ZNF680: variants seen among roughly 807,000 people sequenced by gnomAD.
ZNF680 encodes zinc finger protein 680, also known as hypothetical protein FLJ90430.
ZNF680 carries 6 observed loss-of-function variants against 12.1 expected under a neutral mutation model. The observed-to-expected ratio is 0.49, with a 90% CI of 0.27 to 0.98. The LOEUF (loss-of-function observed/expected upper bound fraction) is 0.98, where lower values mean the gene tolerates loss of function less well. ZNF680 is among the 50% of genes least tolerant of loss of function. The pLI, the probability that ZNF680 is intolerant of heterozygous loss-of-function variation, is 0.12. For synonymous variants in ZNF680, 170 were observed against 199.3 expected (o/e 0.85, Z 1.24); for missense variants, 561 against 616.3 (o/e 0.91, Z 0.95).
chr7:64,555,733 A>ATATAT (rs1554334151), intron 1 of ZNF680, among the ~76,000 whole-genome samples: 1 of 87,532 alleles, frequency 1.1e-5, no homozygotes, highest in African/African-American at 6.3e-5. Flanking sequence ...TGTAAAAAAA[A>ATATAT]ATATATATAT....
At chr7:64,516,542 A>G (rs1584339104), downstream of ZNF680, among the ~76,000 whole-genome samples, 1 of 152,338 alleles carries the variant, frequency 6.6e-6, no homozygotes, top group East Asian at 1.9e-4. Flanking sequence ...TACTCCACTG[A>G]CAGTACTAGA....
the ZNF680 span, among the ~76,000 whole-genome samples, chr7:64,503,764 T>C: frequency 1.3e-5 from 2 of 152,196 alleles, no homozygotes; most frequent in Non-Finnish European, 2.9e-5. Flanking sequence ...TCCTCCTTTT[T>C]CTTTAGCCAA....
At chr7:64,540,422 A>G (rs2116474346) in intron 3 of ZNF680, among the ~76,000 whole-genome samples, 1 of 150,650 alleles carries the variant, frequency 6.6e-6, no homozygotes, top group South Asian at 2.1e-4. Flanking sequence ...CCCCTGCCTC[A>G]GCCTCCCAAG....
intron 3 of ZNF680, among the ~76,000 whole-genome samples, chr7:64,538,811 T>G (rs995023074): frequency 1.3e-5 from 2 of 152,158 alleles, no homozygotes; most frequent in Non-Finnish European, 2.9e-5. Flanking sequence ...ATTTGAACAT[T>G]TATGTTTCTT....
In ZNF680 at chr7:64,544,337, C is replaced by T. The variant is rs1348331544; in HGVS notation, c.126G>A (p.Met42Ile). Residue 42 changes from methionine (M) to isoleucine (I), a missense_variant, in exon 2 of 4, where the codon ATG becomes ATA. Coordinates refer to ENST00000309683, the MANE Select transcript of ZNF680 (RefSeq NM_178558.5). ...AGACCAGGTTTCTGTAGTTCTCAAA[C>T]ATCACTTTCCTATATAAATTCCGTT... is the stretch of plus-strand genomic sequence containing the variant. ...TAQRNLYRKV[M>I]FENYRNLVFL... The T allele has an allele frequency of 6.2e-7, 1 of 1,603,932 alleles. No individual in the cohort carries two copies. Among genetic ancestry groups the T allele is most frequent in the Admixed American group, 1.7e-5 (1 of 59,682 alleles).
At chr7:64,531,827 A>G (rs1219617727) in intron 3 of ZNF680, among the ~76,000 whole-genome samples, 1 of 152,176 alleles carries the variant, frequency 6.6e-6, no homozygotes, top group Non-Finnish European at 1.5e-5. Context: ...CTAAATGCCT[A>G]CATCAAAAAG....
rs117098150 is a variant in ZNF680, at chr7:64,550,464, A to G, written c.31-6032T>C. Among the ~76,000 whole-genome samples, 503 of 152,338 alleles carry G rather than the reference A, an allele frequency of 3.3e-3. 16 individuals are homozygous for G. In the East Asian group the frequency reaches 0.088, roughly 27 times the overall value. ...CAAAATCTCAAGATCCCGATTCAGA[A>G]TCTGGAGCTGCAGATTTAGGTCCTG... On this transcript the variant is annotated intron_variant, in intron 1 of 3. Coordinates refer to ENST00000309683, the MANE Select transcript of ZNF680 (RefSeq NM_178558.5).
At chr7:64,554,585 G>C (rs1787301100) in intron 1 of ZNF680, among the ~76,000 whole-genome samples, 1 of 152,218 alleles carries the variant, frequency 6.6e-6, no homozygotes, top group Non-Finnish European at 1.5e-5. Flanking sequence ...AGAGAGATCG[G>C]ATTGTTTCTG....
At chr7:64,516,292 G>A (rs553187467), downstream of ZNF680, among the ~76,000 whole-genome samples, 10 of 152,236 alleles carry the variant, frequency 6.6e-5, no homozygotes, top group Admixed American at 5.2e-4. Context: ...AAATCTTGTT[G>A]CATTGCTAAA....
chr7:64,510,737 C>T, the ZNF680 span, among the ~76,000 whole-genome samples: 3 of 132,126 alleles, frequency 2.3e-5, no homozygotes, highest in East Asian at 2.6e-4. Flanking sequence ...GGTGAAACCC[C>T]GTCTCTACTA....
At chr7:64,535,081 C>T (rs1475221117) in intron 3 of ZNF680, among the ~76,000 whole-genome samples, 3 of 151,918 alleles carry the variant, frequency 2.0e-5, no homozygotes, top group African/African-American at 7.3e-5. Flanking sequence ...GTGATGAGTG[C>T]ACCAAAATCT....
rs1791547760 is a variant in ZNF680 at position 64,521,738 on chromosome 7, TTAG to T, written c.1013_1015del (p.Thr338del). 6.2e-7 allele frequency: 1 copy of T among 1,612,364 alleles called. No individual in the cohort carries two copies. Among genetic ancestry groups the T allele is most frequent in the Non-Finnish European group, 8.5e-7 (1 of 1,179,666 alleles). On this transcript the variant is annotated inframe_deletion, in exon 4 of 4. Transcript: ENST00000309683. The stretch of plus-strand genomic sequence containing the variant: ...CTCTCCAGTATGAATTTTCTTATGT[TTAG>T]TAAGGTTTGAAAACTGGTTAAAGTC...
the ZNF680 span, among the ~76,000 whole-genome samples, chr7:64,500,382 C>A: frequency 3.3e-5 from 5 of 151,898 alleles, no homozygotes; most frequent in Non-Finnish European, 5.9e-5. Context: ...ATGGAAGCAA[C>A]CTAAGTGTCC....
intron 2 of ZNF680, chr7:64,544,046 A>T (rs1786647913): frequency 4.9e-6 from 3 of 606,118 alleles, no homozygotes; most frequent in Non-Finnish European, 5.3e-6. Flanking sequence ...GTGGGCAACA[A>T]CATTTTATGC....
chr7:64,510,905 G>A, the ZNF680 span, among the ~76,000 whole-genome samples: 4 of 58,056 alleles, frequency 6.9e-5, no homozygotes, highest in Admixed American at 1.8e-4. Flanking sequence ...GCGAGACTCC[G>A]TCTCAAAAAA....
At chr7:64,529,322 T>C (rs1471757921) in intron 3 of ZNF680, among the ~76,000 whole-genome samples, 1 of 152,162 alleles carries the variant, frequency 6.6e-6, no homozygotes, top group Non-Finnish European at 1.5e-5. Flanking sequence ...AATCCCTGTT[T>C]TACCTGAAAA....
At chr7:64,544,740 A>T (rs17545412) in intron 1 of ZNF680, among the ~76,000 whole-genome samples, 1,890 of 152,338 alleles carry the variant, frequency 0.012, 36 homozygotes, top group African/African-American at 0.043. Flanking sequence ...CTATATTTAC[A>T]TCATACACAA....
chr7:64,526,099 T>A (rs752674708), intron 3 of ZNF680: 469 of 939,592 alleles, frequency 5.0e-4, no homozygotes, highest in Non-Finnish European at 5.7e-4. Flanking sequence ...AACAAAAATA[T>A]AAAATTCCAA....
chr7:64,517,930 A>C (rs957553087), downstream of ZNF680, among the ~76,000 whole-genome samples: 6 of 152,106 alleles, frequency 3.9e-5, no homozygotes, highest in African/African-American at 1.4e-4. Context: ...CAAAGGACAT[A>C]TCTCAATGTA....
Sources: gnomAD v4.1 joint callset for allele counts (sites outside exome capture counted in the v4.1 genomes callset) on GRCh38, gnomAD v4.1.1 for gene constraint, MANE v1.5 for transcripts, NCBI Gene and HGNC (gene_info 2026-07-23, HGNC 2026-07-21) for gene names.